Variants in DOCK2 observed in about 807,000 individuals in gnomAD.
The protein encoded by DOCK2 is dedicator of cytokinesis 2, also known as dedicator of cytokinesis protein 2.
A neutral mutation model predicts 248.9 loss-of-function variants in DOCK2; 87 were observed. The observed-to-expected ratio is 0.35, with a 90% CI of 0.29 to 0.42. The LOEUF is 0.42. Ranked by LOEUF, DOCK2 falls within the 10% of genes least tolerant of loss-of-function variation. The pLI is 1.00. For missense variants in DOCK2, 1,747 were observed against 2,300.2 expected, an observed-to-expected ratio of 0.76 and a Z score of 4.92; for synonymous variants, 805 against 821.6, an observed-to-expected ratio of 0.98 and a Z score of 0.35.
chr5:169,802,454 C>G (rs1474924726), intron 25 of DOCK2, among the ~76,000 whole-genome samples: 1 of 152,116 alleles, frequency 6.6e-6, no homozygotes, highest in Non-Finnish European at 1.5e-5. Flanking sequence ...GAAGAATGTT[C>G]AGTAGTACAG....
chr5:169,846,270 A>G (rs1349146343), intron 27 of DOCK2, among the ~76,000 whole-genome samples: 1 of 152,126 alleles, frequency 6.6e-6, no homozygotes. Flanking sequence ...CAGGGATAGG[A>G]ACATTGCAGT....
intron 2 of DOCK2, among the ~76,000 whole-genome samples, chr5:169,662,975 A>T (rs1466508548): frequency 1.3e-5 from 2 of 152,354 alleles, no homozygotes; most frequent in Non-Finnish European, 2.9e-5. Context: ...CCAAAGTCTC[A>T]TCTGAGACAA....
At chr5:169,845,778 AAGAGTGCTG>A (rs962630674) in intron 27 of DOCK2, among the ~76,000 whole-genome samples, 1 of 152,208 alleles carries the variant, frequency 6.6e-6, no homozygotes, top group African/African-American at 2.4e-5. Flanking sequence ...TTACAATGCT[AAGAGTGCTG>A]AGAGGGGAGA....
chr5:169,829,593 A>G (rs1769095941), intron 26 of DOCK2, among the ~76,000 whole-genome samples: 1 of 152,234 alleles, frequency 6.6e-6, no homozygotes, highest in South Asian at 2.1e-4. Context: ...CCGTGTAGGT[A>G]CAGAACCCAG....
intron 22 of DOCK2, among the ~76,000 whole-genome samples, chr5:169,727,387 G>A (rs1039052212): frequency 6.6e-6 from 1 of 152,164 alleles, no homozygotes; most frequent in African/African-American, 2.4e-5. Context: ...TGACACTCAA[G>A]CTGAGGTTCT....
intron 22 of DOCK2, among the ~76,000 whole-genome samples, chr5:169,730,051 G>C (rs1441824833): frequency 4.6e-5 from 7 of 152,134 alleles, no homozygotes; most frequent in African/African-American, 1.7e-4. Flanking sequence ...CTGCCTCCTG[G>C]GTTCAAGTGA....
At chr5:169,792,393 A>G (rs115809023) in intron 25 of DOCK2, among the ~76,000 whole-genome samples, 3 of 147,948 alleles carry the variant, frequency 2.0e-5, no homozygotes, top group African/African-American at 7.9e-5. Flanking sequence ...GTATACATGT[A>G]TATGTGTATA....
chr5:169,956,464 G>A (rs1430492518), intron 27 of DOCK2, among the ~76,000 whole-genome samples: 2 of 152,190 alleles, frequency 1.3e-5, no homozygotes, highest in African/African-American at 4.8e-5. Flanking sequence ...AAGCACAACA[G>A]GTTGGATTCA....
At chr5:169,744,868 G>C (rs1261934403) in intron 22 of DOCK2, among the ~76,000 whole-genome samples, 1 of 152,200 alleles carries the variant, frequency 6.6e-6, no homozygotes, top group African/African-American at 2.4e-5. Flanking sequence ...CTTGTTGGAG[G>C]AGCAGGTGGT....
intron 22 of DOCK2, among the ~76,000 whole-genome samples, chr5:169,738,371 G>A (rs1253978407): frequency 2.0e-5 from 3 of 152,190 alleles, no homozygotes; most frequent in Non-Finnish European, 2.9e-5. Flanking sequence ...AGGAAATGGA[G>A]GCTTGGTCCT....
At chr5:169,681,028 CTA>C (rs1484650658) in intron 6 of DOCK2, among the ~76,000 whole-genome samples, 3 of 145,570 alleles carry the variant, frequency 2.1e-5, no homozygotes, top group African/African-American at 7.5e-5. Context: ...CATAGCAAAA[CTA>C]TATAATATTT....
chr5:169,960,626 T>A (rs1031233072), intron 27 of DOCK2, among the ~76,000 whole-genome samples: 1 of 152,236 alleles, frequency 6.6e-6, no homozygotes, highest in Non-Finnish European at 1.5e-5. Context: ...CTCAATATTC[T>A]TGGCCATCAT....
At chr5:169,870,183 A>T (rs1358795370) in intron 27 of DOCK2, among the ~76,000 whole-genome samples, 1 of 152,276 alleles carries the variant, frequency 6.6e-6, no homozygotes. Flanking sequence ...GCCACGTTGC[A>T]TTTAGAGAGT....
chr5:169,959,298 C>A (rs1266735049), intron 27 of DOCK2, among the ~76,000 whole-genome samples: 1 of 151,524 alleles, frequency 6.6e-6, no homozygotes, highest in Non-Finnish European at 1.5e-5. Flanking sequence ...GAGGCTGAGG[C>A]AGGAGAATCG....
rs1757978698 is a variant in DOCK2 at position 169,654,422 on chromosome 5, C to T, written c.63C>T (p.Gly21=). Residue 21 remains glycine, a synonymous_variant, in exon 2 of 52, where the codon GGC becomes GGT. Transcript: ENST00000520908. Reference sequence around the variant, plus strand: ...TCACAGCCATATACAACTTCCAAGGCAGCGGAGCCCCCCAGCTCTCCCTGC... The same window carrying T: ...TCACAGCCATATACAACTTCCAAGGTAGCGGAGCCCCCCAGCTCTCCCTGC... ...RHGVAIYNFQ[G]SGAPQLSLQI... The T allele has an allele frequency of 6.2e-7, 1 of 1,614,186 alleles. No homozygotes were observed. Among genetic ancestry groups the T allele is most frequent in the South Asian group, 1.1e-5 (1 of 91,078 alleles).
chr5:169,883,653 G>T, intron 27 of DOCK2: 1 of 1,551,246 alleles, frequency 6.4e-7, no homozygotes. Flanking sequence ...ACCTGGGGAA[G>T]GAGAGCGAGT....
intron 23 of DOCK2, among the ~76,000 whole-genome samples, chr5:169,757,067 T>C (rs371623361): frequency 6.6e-6 from 1 of 152,174 alleles, no homozygotes; most frequent in African/African-American, 2.4e-5. Flanking sequence ...TTGATTTGTC[T>C]AGCAAATCAA....
chr5:169,750,326 G>T (rs1763831196), intron 23 of DOCK2, among the ~76,000 whole-genome samples: 1 of 152,202 alleles, frequency 6.6e-6, no homozygotes, highest in South Asian at 2.1e-4. Flanking sequence ...AGAAAAAAAG[G>T]AAGCAAAGAG....
At position 169,648,878 on chromosome 5, in the gene DOCK2, C is replaced by G. The variant is rs182444087; in HGVS notation, c.44-5525C>G. Reference sequence around the variant, plus strand: ...GAGGAACACCTCCTCCTTCTAGGTTCCCTCTGGCTGTAATTCTTCTGCCTC... The same window carrying G: ...GAGGAACACCTCCTCCTTCTAGGTTGCCTCTGGCTGTAATTCTTCTGCCTC... On this transcript the variant is annotated intron_variant, in intron 1 of 51. Coordinates refer to ENST00000520908, the MANE Select transcript of DOCK2 (RefSeq NM_004946.3). 1.1e-4 allele frequency among the ~76,000 whole-genome samples: 17 copies of G among 152,336 alleles called. No homozygotes were observed. In the East Asian group the frequency reaches 2.3e-3, roughly 21 times the overall value.
Sources: gnomAD v4.1 joint callset for allele counts (sites outside exome capture counted in the v4.1 genomes callset) on GRCh38, gnomAD v4.1.1 for gene constraint, MANE v1.5 for transcripts, NCBI Gene and HGNC (gene_info 2026-07-23, HGNC 2026-07-21) for gene names.